ECT2: variants seen among roughly 807,000 people sequenced by gnomAD.
ECT2 encodes the protein epithelial cell transforming 2, also known as protein ECT2.
ECT2 carries 61 observed loss-of-function variants against 116.9 expected under a neutral mutation model. The observed-to-expected ratio is 0.52, with a 90% CI of 0.42 to 0.65. The LOEUF (loss-of-function observed/expected upper bound fraction) is 0.65, where lower values mean the gene tolerates loss of function less well. ECT2 is among the 30% of genes least tolerant of loss of function. The pLI is 0.00. For missense variants in ECT2, 937 were observed against 1,078.7 expected, an observed-to-expected ratio of 0.87 and a Z score of 1.84; for synonymous variants, 358 against 346.4, an observed-to-expected ratio of 1.03 and a Z score of -0.37.
chr3:172,821,099 T>A lies in ECT2; in HGVS notation c.*862T>A, dbSNP rs1451378774. ...AATAATTCTGAAGTTGCCATCAGTT[T>A]TACTAATCTTCTGTGAAATGCATAG... On this transcript the variant is annotated 3_prime_UTR_variant, in exon 25 of 25. Coordinates refer to ENST00000392692, the MANE Select transcript of ECT2 (RefSeq NM_001258315.2). 1.3e-5 allele frequency: 2 copies of A among 151,968 alleles called. No individual in the cohort carries two copies. The highest frequency in any genetic ancestry group is 2.9e-5 in the Non-Finnish European group (2 of 67,836). 9.4% of individuals were successfully genotyped at this position (151,968 alleles called of 1,614,324 possible).
In ECT2 at chr3:172,783,904, C is replaced by A; in HGVS notation, c.1723C>A (p.Leu575Ile). Residue 575 changes from leucine to isoleucine, a missense_variant, in exon 16 of 25, where the codon CTC becomes ATC. By Grantham distance (5) the Leu-to-Ile change is conservative (BLOSUM62 2). Coordinates refer to ENST00000392692, the MANE Select transcript of ECT2 (RefSeq NM_001258315.2). The part of the protein sequence containing the change: ...EKQKPRFHAF[L>I]KINQAKPECG... ...ACAGAAACCAAGATTTCATGCTTTT[C>A]TCAAGGTAATGTGTGTTTCTTTCAA... 6.4e-7 allele frequency: 1 copy of A among 1,570,790 alleles called. No homozygotes were observed. The highest frequency in any genetic ancestry group is 1.2e-5 in the South Asian group (1 of 86,600).
At position 172,802,978 on chromosome 3, in the gene ECT2, G is replaced by T; in HGVS notation, c.2104G>T (p.Glu702Ter). The change falls in exon 20 of 25, where the codon GAG becomes TAG. Residue 702 changes from glutamate (E) to a stop codon, truncating the protein, a stop_gained and splice_region_variant. Transcript: ENST00000392692. LOFTEE classifies it high-confidence loss of function. ...TCTCTTCCTCTTCAATGATTGCCTA[G>T]AGGTAAAGATGTACTTCACATAGTA... ...VTLFLFNDCL[E>*]IARKRHKVIG... The T allele has an allele frequency of 6.2e-7, 1 of 1,609,932 alleles. No individual in the cohort carries two copies. The highest frequency in any genetic ancestry group is 8.5e-7 in the Non-Finnish European group (1 of 1,178,564).
At chr3:172,762,589 C>T (rs181315491) in intron 9 of ECT2, 43 bp downstream of exon 9, 4 of 1,577,744 alleles carry the variant, frequency 2.5e-6, no homozygotes, top group Middle Eastern at 1.7e-4. Flanking sequence ...ATTTTAGTCC[C>T]TAGGCCTGCT....
downstream of ECT2, among the ~76,000 whole-genome samples, chr3:172,824,561 T>C (rs1018049599): frequency 1.3e-5 from 2 of 152,162 alleles, no homozygotes; most frequent in South Asian, 2.1e-4. Context: ...AACATGAGAT[T>C]TGGGCGGGGA....
intron 18 of ECT2, among the ~76,000 whole-genome samples, chr3:172,791,811 A>C (rs543978319): frequency 8.5e-5 from 13 of 152,262 alleles, no homozygotes; most frequent in African/African-American, 3.1e-4. Context: ...TTTCTTCAAG[A>C]ACTTTTCTTT....
In ECT2 at chr3:172,786,890, T is replaced by G. The variant is rs150129151; in HGVS notation, c.1907+316T>G. On this transcript the variant is annotated intron_variant, in intron 18 of 24. Transcript: ENST00000392692. Reference sequence around the variant, plus strand: ...GCTTGTTTCTGTCTTCATATTAATGTGTATTGCCCAAATGTAACTTGAGAA... The same window carrying G: ...GCTTGTTTCTGTCTTCATATTAATGGGTATTGCCCAAATGTAACTTGAGAA... Among the ~76,000 whole-genome samples the G allele has an allele frequency of 1.1e-4, 16 of 152,332 alleles. No homozygotes were observed. In the East Asian group the frequency reaches 3.1e-3, roughly 29 times the overall value.
chr3:172,828,915 C>A, the ECT2 span: 2 of 1,452,892 alleles, frequency 1.4e-6, no homozygotes, highest in Admixed American at 3.6e-5. Flanking sequence ...AACACAATTC[C>A]AATGCCAGTC....
At chr3:172,801,460 A>G (rs1424116244) in intron 18 of ECT2, among the ~76,000 whole-genome samples, 1 of 152,166 alleles carries the variant, frequency 6.6e-6, no homozygotes, top group Non-Finnish European at 1.5e-5. Flanking sequence ...ATGAGCACTG[A>G]GCACTGTTAA....
rs1348351826 is a variant in ECT2 at position 172,773,912 on chromosome 3, G to C, written c.1438G>C (p.Val480Leu). ...ILATIIQLFQVPLEEEGQRGG... is the reference protein window; with the variant it reads ...ILATIIQLFQLPLEEEGQRGG... ...CTTTTTTCTCATTTAGTTATTTCAA[G>C]TACCATTGGAAGAGGAAGGACAACG... Residue 480 changes from valine (V) to leucine (L), a missense_variant, in exon 14 of 25, where the codon GTA becomes CTA. Coordinates refer to ENST00000392692, the MANE Select transcript of ECT2 (RefSeq NM_001258315.2). 1.2e-6 allele frequency: 2 copies of C among 1,612,652 alleles called. No individual in the cohort carries two copies. The highest frequency in any genetic ancestry group is 2.2e-5 in the East Asian group (1 of 44,810).
chr3:172,755,423 A>G (rs1038326208), intron 3 of ECT2, 49 bp downstream of exon 3: 11 of 1,549,916 alleles, frequency 7.1e-6, no homozygotes, highest in Middle Eastern at 1.7e-4. Context: ...TTTTTCTTCC[A>G]TCAGTGTGTA....
chr3:172,766,665 C>G (rs568929359), intron 12 of ECT2, among the ~76,000 whole-genome samples: 1 of 152,052 alleles, frequency 6.6e-6, no homozygotes, highest in Non-Finnish European at 1.5e-5. Context: ...AGAAATGTTG[C>G]CTTGGCATGG....
downstream of ECT2, among the ~76,000 whole-genome samples, chr3:172,822,056 C>T (rs1730721072): frequency 1.3e-5 from 2 of 151,816 alleles, no homozygotes; most frequent in South Asian, 4.1e-4. Flanking sequence ...TTGAGAAAAT[C>T]ATAATTTAGG....
chr3:172,757,187 G>T, intron 5 of ECT2, 22 bp downstream of exon 5: 2 of 1,395,886 alleles, frequency 1.4e-6, no homozygotes, highest in South Asian at 3.7e-5. Context: ...CATTTATTAT[G>T]ACTTTTCAAG....
intron 14 of ECT2, among the ~76,000 whole-genome samples, chr3:172,781,755 C>A (rs1246669174): frequency 6.6e-6 from 1 of 152,060 alleles, no homozygotes; most frequent in Non-Finnish European, 1.5e-5. Context: ...AATTTACTGA[C>A]CCCCTGTTAG....
intron 17 of ECT2, among the ~76,000 whole-genome samples, chr3:172,785,582 T>C (rs1439002575): frequency 6.6e-6 from 1 of 151,162 alleles, no homozygotes; most frequent in Non-Finnish European, 1.5e-5. Context: ...AAGATATAAT[T>C]CCTAAGCTAA....
Position 172,761,652 on chromosome 3 carries a change from AT to A in ECT2, c.730del (p.Tyr244IlefsTer33). 1 of 1,611,526 alleles carries A rather than the reference AT, an allele frequency of 6.2e-7. No individual in the cohort carries two copies. Among genetic ancestry groups the A allele is most frequent in the Non-Finnish European group, 8.5e-7 (1 of 1,178,302 alleles). ...LGTPIMKPEW[I>X]YKAWERRNEQ... ...TACTCCAATTATGAAGCCAGAATGG[AT>A]TTATAAAGCTTGGGAAAGGCGGAAT... On this transcript the variant is annotated frameshift_variant, in exon 8 of 25. Coordinates refer to ENST00000392692, the MANE Select transcript of ECT2 (RefSeq NM_001258315.2). LOFTEE classifies it high-confidence loss of function.
At chr3:172,758,009 C>T (rs1022148377) in intron 5 of ECT2, among the ~76,000 whole-genome samples, 24 of 152,042 alleles carry the variant, frequency 1.6e-4, no homozygotes, top group African/African-American at 5.8e-4. Flanking sequence ...AGGTGCATGC[C>T]ACCACGCCTG....
intron 22 of ECT2, among the ~76,000 whole-genome samples, chr3:172,812,513 G>A (rs941912812): frequency 1.3e-5 from 2 of 151,760 alleles, no homozygotes; most frequent in African/African-American, 4.8e-5. Flanking sequence ...AAAGTCATAA[G>A]TTTACCAATT....
intron 14 of ECT2, among the ~76,000 whole-genome samples, chr3:172,781,083 TGTGGTGAGGGTTTAA>T (rs1247089217): frequency 1.3e-5 from 2 of 152,198 alleles, no homozygotes; most frequent in Non-Finnish European, 2.9e-5. Flanking sequence ...TTGTTTTGCT[TGTGGTGAGGGTTTAA>T]GTTCATCTTT....
Sources: allele counts gnomAD v4.1 joint callset (sites outside exome capture counted in the v4.1 genomes callset), GRCh38; gene constraint gnomAD v4.1.1; transcripts MANE v1.5; gene names NCBI Gene and HGNC (gene_info 2026-07-23, HGNC 2026-07-21).